The following RBFOX1 variants were observed in gnomAD, a reference collection of about 807,000 sequenced individuals.
RBFOX1 encodes RNA binding fox-1 homolog 1.
RBFOX1 carries 8 observed loss-of-function variants against 57.7 expected under a neutral mutation model. The ratio of observed to expected loss-of-function variants is 0.14; its 90% CI spans 0.08 to 0.25. RBFOX1 has a LOEUF of 0.25. Among genes scored for constraint, RBFOX1 ranks in the 10% least tolerant of loss-of-function variants. The pLI is 1.00. For missense variants in RBFOX1, 611 were observed against 548.5 expected, an observed-to-expected ratio of 1.11 and a Z score of -1.14; for synonymous variants, 326 against 222.4, an observed-to-expected ratio of 1.47 and a Z score of -4.15.
At chr16:6,027,369 G>T (rs7359435) in intron 1 of RBFOX1, among the ~76,000 whole-genome samples, 3 of 151,988 alleles carry the variant, frequency 2.0e-5, no homozygotes, top group Non-Finnish European at 2.9e-5. Context: ...GGCATGCTTG[G>T]GATGCAGGGA....
chr16:5,305,999 A>G (rs11076906), intron 1 of RBFOX1, among the ~76,000 whole-genome samples: 104,047 of 151,992 alleles, frequency 0.68, 35,707 homozygotes, highest in Admixed American at 0.76. Flanking sequence ...TGAGACCAAC[A>G]TGGGCAATGT....
chr16:5,796,066 A>G (rs543601412), intron 3 of RBFOX1, among the ~76,000 whole-genome samples: 2 of 152,212 alleles, frequency 1.3e-5, no homozygotes, highest in South Asian at 4.2e-4. Context: ...TTCAGCTTGT[A>G]GATTGGGGGA....
At chr16:7,244,875 C>T (rs935857931) in intron 4 of RBFOX1, among the ~76,000 whole-genome samples, 2 of 152,188 alleles carry the variant, frequency 1.3e-5, no homozygotes, top group African/African-American at 4.8e-5. Flanking sequence ...TATTCCTCTA[C>T]TGTAAGAAAA....
At position 7,452,028 on chromosome 16, in the gene RBFOX1, G is replaced by C. The variant is rs922108331; in HGVS notation, c.28-66119G>C. Reference sequence around the variant, plus strand: ...CCAAAGAGAAAGATTCTTATTCCATGACCAAAGCAATATCATTCAAAAATG... The same window carrying C: ...CCAAAGAGAAAGATTCTTATTCCATCACCAAAGCAATATCATTCAAAAATG... On this transcript the variant is annotated intron_variant, in intron 4 of 15. Transcript: ENST00000550418. 1.3e-4 allele frequency among the ~76,000 whole-genome samples: 20 copies of C among 152,300 alleles called. 1 individual carries two copies. In the South Asian group the frequency reaches 4.1e-3, roughly 32 times the overall value.
At chr16:6,833,128 T>C (rs1273733010) in intron 3 of RBFOX1, among the ~76,000 whole-genome samples, 2 of 152,000 alleles carry the variant, frequency 1.3e-5, no homozygotes, top group African/African-American at 4.8e-5. Context: ...ACTTTCCTTT[T>C]TTTTCAAGTC....
chr16:5,672,245 G>C (rs1258051119), intron 3 of RBFOX1, among the ~76,000 whole-genome samples: 1 of 152,158 alleles, frequency 6.6e-6, no homozygotes, highest in Non-Finnish European at 1.5e-5. Flanking sequence ...CTTTGGAACT[G>C]TCTGGGCAGA....
chr16:6,148,536 G>A (rs925016254), intron 1 of RBFOX1, among the ~76,000 whole-genome samples: 3 of 152,134 alleles, frequency 2.0e-5, no homozygotes, highest in African/African-American at 7.2e-5. Flanking sequence ...CCTCAAGGCA[G>A]GAAAACCTTA....
chr16:5,850,936 G>T (rs559348256), intron 3 of RBFOX1, among the ~76,000 whole-genome samples: 1 of 152,204 alleles, frequency 6.6e-6, no homozygotes, highest in African/African-American at 2.4e-5. Context: ...GCTGGAGATG[G>T]CATCGGGCAT....
chr16:6,856,290 T>C (rs2057884831), intron 3 of RBFOX1, among the ~76,000 whole-genome samples: 1 of 152,152 alleles, frequency 6.6e-6, no homozygotes, highest in Admixed American at 6.5e-5. Flanking sequence ...TTGTTGAGTA[T>C]GATGATGTAG....
At chr16:6,774,934 G>C (rs2079056343) in intron 3 of RBFOX1, among the ~76,000 whole-genome samples, 1 of 151,966 alleles carries the variant, frequency 6.6e-6, no homozygotes, top group African/African-American at 2.4e-5. Context: ...ATATTGGACA[G>C]TATACGTCTA....
intron 4 of RBFOX1, among the ~76,000 whole-genome samples, chr16:7,512,118 G>A (rs191883111): frequency 6.6e-6 from 1 of 152,270 alleles, no homozygotes; most frequent in African/African-American, 2.4e-5. Flanking sequence ...AAAGGTGGGG[G>A]TTTGGCATTG....
intron 4 of RBFOX1, among the ~76,000 whole-genome samples, chr16:5,994,382 G>A (rs760848131): frequency 2.6e-5 from 4 of 152,138 alleles, no homozygotes; most frequent in African/African-American, 4.8e-5. Flanking sequence ...GGCTGGTCTC[G>A]AACTCCTGGC....
intron 2 of RBFOX1, among the ~76,000 whole-genome samples, chr16:6,318,444 G>A (rs1476532340): frequency 6.6e-6 from 1 of 152,100 alleles, no homozygotes; most frequent in African/African-American, 2.4e-5. Flanking sequence ...ATCTTTTTCT[G>A]TTTAAAGCAG....
chr16:6,609,279 G>A (rs2098000457), intron 2 of RBFOX1, among the ~76,000 whole-genome samples: 1 of 152,154 alleles, frequency 6.6e-6, no homozygotes, highest in South Asian at 2.1e-4. Flanking sequence ...ACAGTGGCTG[G>A]GTATGGAGTG....
Position 6,557,414 on chromosome 16 carries a change from G to T in RBFOX1, c.-63-97189G>T, listed in dbSNP as rs564908946. Among the ~76,000 whole-genome samples, 3 of 151,944 alleles carry T rather than the reference G, an allele frequency of 2.0e-5. No homozygotes were observed. The East Asian group carries it at 5.8e-4, about 29-fold the overall frequency. On this transcript the variant is annotated intron_variant, in intron 2 of 15. Coordinates refer to ENST00000550418, the MANE Select transcript of RBFOX1 (RefSeq NM_018723.4). Reference sequence around the variant, plus strand: ...AGAAATGGAGATGTGAACCAGACTGGGACAGTACGATTTCACAATAACAGC... The same window carrying T: ...AGAAATGGAGATGTGAACCAGACTGTGACAGTACGATTTCACAATAACAGC...
chr16:7,425,462 AC>A (rs1277633254), intron 4 of RBFOX1, among the ~76,000 whole-genome samples: 3 of 152,126 alleles, frequency 2.0e-5, no homozygotes, highest in Non-Finnish European at 4.4e-5. Flanking sequence ...AAGGATGGAA[AC>A]CCTTCTTTGA....
chr16:6,319,994 T>C (rs1007036736), intron 2 of RBFOX1, among the ~76,000 whole-genome samples: 2 of 152,176 alleles, frequency 1.3e-5, no homozygotes, highest in Non-Finnish European at 2.9e-5. Flanking sequence ...GAATATTTTT[T>C]TTTCACCAAG....
At chr16:5,499,139 C>G (rs2043103273) in intron 2 of RBFOX1, among the ~76,000 whole-genome samples, 1 of 152,190 alleles carries the variant, frequency 6.6e-6, no homozygotes, top group African/African-American at 2.4e-5. Context: ...TGTTCATCTT[C>G]TGTTCTAGGT....
At chr16:7,449,989 G>A (rs1291229205) in intron 4 of RBFOX1, among the ~76,000 whole-genome samples, 2 of 152,110 alleles carry the variant, frequency 1.3e-5, no homozygotes, top group African/African-American at 2.4e-5. Flanking sequence ...AGGGAGAAGG[G>A]CACTCCGGGC....
Sources: allele counts gnomAD v4.1 joint callset (sites outside exome capture counted in the v4.1 genomes callset), GRCh38; gene constraint gnomAD v4.1.1; transcripts MANE v1.5; gene names NCBI Gene and HGNC (gene_info 2026-07-23, HGNC 2026-07-21).